DDX25: variants seen among roughly 807,000 people sequenced by gnomAD.
The protein encoded by DDX25 is ATP-dependent RNA helicase DDX25.
A neutral mutation model predicts 64.6 loss-of-function variants in DDX25; 70 were observed. The observed-to-expected ratio is 1.08, with a 90% confidence interval of 0.89 to 1.32. The LOEUF (loss-of-function observed/expected upper bound fraction) is 1.32, where lower values mean the gene tolerates loss of function less well. Among genes scored for constraint, DDX25 ranks in the 40% most tolerant of loss-of-function variants. The pLI is 0.00. For missense variants in DDX25, 587 were observed against 604.4 expected (o/e 0.97, Z 0.30); for synonymous variants, 211 against 213.3 (o/e 0.99, Z 0.09).
At chr11:125,910,791 T>C (rs12289325) in intron 7 of DDX25, among the ~76,000 whole-genome samples, 5,712 of 152,292 alleles carry the variant, frequency 0.038, 143 homozygotes, top group African/African-American at 0.049. Flanking sequence ...TAAAATATTA[T>C]AAGCTTATAA....
chr11:125,908,091 C>T, intron 4 of DDX25, 105 bp from the exon 5 acceptor site: 1 of 890,288 alleles, frequency 1.1e-6, no homozygotes, highest in Non-Finnish European at 1.7e-6. Flanking sequence ...AGTTTTAAAG[C>T]TCAGCTGCAA....
chr11:125,913,462 C>T (rs960439810), intron 8 of DDX25, among the ~76,000 whole-genome samples: 9 of 152,136 alleles, frequency 5.9e-5, no homozygotes, highest in African/African-American at 1.9e-4. Context: ...TAATAGTTTG[C>T]CCGGATAGGA....
At chr11:125,905,484 A>G in intron 2 of DDX25, 69 bp from the exon 3 acceptor site, 1 of 1,497,620 alleles carries the variant, frequency 6.7e-7, no homozygotes, top group African/African-American at 1.4e-5. Flanking sequence ...GAAAAAATTG[A>G]ATAGCATGCT....
intron 4 of DDX25, 90 bp downstream of exon 4, chr11:125,906,299 T>G: frequency 7.2e-7 from 1 of 1,386,556 alleles, no homozygotes; most frequent in Admixed American, 3.4e-5. Flanking sequence ...CAGGATCTCC[T>G]CTTTGTTTTC....
intron 11 of DDX25, chr11:125,922,095 AAC>A (rs1213258063): frequency 6.6e-6 from 1 of 152,110 alleles, no homozygotes; most frequent in African/African-American, 2.4e-5. Context: ...CACCCTCCCA[AAC>A]AGGAAAGTCC....
upstream of DDX25, chr11:125,904,426 C>A: frequency 8.0e-7 from 1 of 1,247,684 alleles, no homozygotes; most frequent in Non-Finnish European, 1.0e-6. Flanking sequence ...CGCCTGCCCC[C>A]TAAGGAAGCC....
intron 4 of DDX25, among the ~76,000 whole-genome samples, chr11:125,907,418 C>A (rs1030558180): frequency 2.0e-5 from 3 of 152,096 alleles, no homozygotes; most frequent in East Asian, 3.9e-4. Context: ...ACCATCCTGG[C>A]TAACACAGTG....
chr11:125,917,115 A>G lies in DDX25; in HGVS notation c.902A>G (p.Lys301Arg). The G allele has an allele frequency of 1.2e-6, 2 of 1,610,444 alleles. No homozygotes were observed. The highest frequency in any genetic ancestry group is 1.7e-6 in the Non-Finnish European group (2 of 1,178,616). Residue 301 changes from lysine (K) to arginine (R), a missense_variant, in exon 9 of 12, where the codon AAG becomes AGG. By Grantham distance (26) the Lys-to-Arg change is conservative (BLOSUM62 2). Coordinates refer to ENST00000263576, the MANE Select transcript of DDX25 (RefSeq NM_013264.5). Reference protein sequence around the residue: ...ERIIPDPNVIKLRKEELTLNN... With the variant: ...ERIIPDPNVIRLRKEELTLNN... ...ATCATCCCTGACCCTAATGTTATCA[A>G]GTTACGCAAAGAGGAGCTCACACTG...
rs766802922 is a variant in DDX25, at chr11:125,910,371, G to C, written c.515G>C (p.Cys172Ser). The C allele has an allele frequency of 6.2e-7, 1 of 1,613,862 alleles. No individual in the cohort carries two copies. Among genetic ancestry groups the C allele is most frequent in the South Asian group, 1.1e-5 (1 of 91,062 alleles). ...TCTCTCTCTATCCCACAGTGCCTCTGCCTAGCTCCTACTTATGAATTGGCT... is the reference window on the plus strand; with the variant it reads ...TCTCTCTCTATCCCACAGTGCCTCTCCCTAGCTCCTACTTATGAATTGGCT... ...NALELFPQCL[C>S]LAPTYELALQ... is the part of the protein sequence containing the mutation. The change falls in exon 7 of 12, where the codon TGC (cysteine) becomes TCC (serine). Residue 172 changes from cysteine to serine, a missense_variant. By Grantham distance (112) the Cys-to-Ser change is moderately radical. Coordinates refer to ENST00000263576, the MANE Select transcript of DDX25 (RefSeq NM_013264.5).
At chr11:125,904,410 C>A, upstream of DDX25, 1 of 1,118,572 alleles carries the variant, frequency 8.9e-7, no homozygotes, top group South Asian at 3.0e-5. Flanking sequence ...CGGGCGCGGA[C>A]GCGGACGCCT....
intron 8 of DDX25, among the ~76,000 whole-genome samples, chr11:125,914,521 A>T (rs915435918): frequency 1.3e-5 from 2 of 152,202 alleles, no homozygotes; most frequent in African/African-American, 2.4e-5. Flanking sequence ...CAGAATAAAC[A>T]TCTAATCTTC....
chr11:125,905,583 A>G lies in DDX25; in HGVS notation c.161A>G (p.Asp54Gly). The G allele has an allele frequency of 6.4e-7, 1 of 1,551,712 alleles. No homozygotes were observed. Among genetic ancestry groups the G allele is most frequent in the South Asian group, 1.2e-5 (1 of 84,048 alleles). The change falls in exon 3 of 12, where the codon GAT becomes GGT. Residue 54 changes from aspartate to glycine, a missense_variant. By Grantham distance (94) the Asp-to-Gly change is moderately conservative. Transcript: ENST00000263576. ...TCTATTAATAACATCAATGAAGATG[A>G]TGAAGAAGATGTAGGTAGGAGATGA... ...DGSINNINED[D>G]EEDVVDLAAN...
intron 10 of DDX25, chr11:125,920,877 T>G (rs947972136): frequency 8.3e-6 from 2 of 240,812 alleles, no homozygotes; most frequent in South Asian, 8.8e-5. Context: ...AGAGGGTGGC[T>G]CTGTGGGCTT....
At chr11:125,920,657 G>T (rs1945097873) in intron 10 of DDX25, among the ~76,000 whole-genome samples, 1 of 152,162 alleles carries the variant, frequency 6.6e-6, no homozygotes. Flanking sequence ...GGACATTGCT[G>T]TGGTGACCAT....
Position 125,917,232 on chromosome 11 carries a change from A to G in DDX25, c.1019A>G (p.Gln340Arg). The G allele has an allele frequency of 6.2e-7, 1 of 1,606,448 alleles. No homozygotes were observed. The highest frequency in any genetic ancestry group is 1.1e-5 in the South Asian group (1 of 89,002). Residue 340 changes from glutamine to arginine, a missense_variant, in exon 9 of 12, where the codon CAG (glutamine) becomes CGG (arginine). Coordinates refer to ENST00000263576, the MANE Select transcript of DDX25 (RefSeq NM_013264.5). ...ATTTATGGCAGCATCACCATTGGTC[A>G]GGCCATCATCTTCTGCCAGGTACAC... ...CNIYGSITIG[Q>R]AIIFCQTRRN... is the part of the protein sequence containing the mutation.
intron 9 of DDX25, among the ~76,000 whole-genome samples, chr11:125,917,606 T>A (rs1240536852): frequency 1.3e-5 from 2 of 152,206 alleles, no homozygotes; most frequent in African/African-American, 4.8e-5. Flanking sequence ...ATGTTTGTTT[T>A]TTGCTTTCTG....
At chr11:125,909,475 A>G (rs1046417158) in intron 6 of DDX25, among the ~76,000 whole-genome samples, 1 of 152,130 alleles carries the variant, frequency 6.6e-6, no homozygotes, top group Non-Finnish European at 1.5e-5. Context: ...TTTTTCCATC[A>G]GCATCTTTAT....
chr11:125,908,319 G>C, intron 5 of DDX25, 31 bp downstream of exon 5: 3 of 1,612,874 alleles, frequency 1.9e-6, no homozygotes, highest in Non-Finnish European at 2.5e-6. Flanking sequence ...TATTCTACTT[G>C]GTTATGTTTA....
intron 9 of DDX25, among the ~76,000 whole-genome samples, chr11:125,917,694 C>G (rs1156701490): frequency 6.6e-6 from 1 of 152,154 alleles, no homozygotes; most frequent in African/African-American, 2.4e-5. Context: ...GGTCTCCTCT[C>G]TCTCATTCAC....
Sources: gnomAD v4.1 joint callset for allele counts (sites outside exome capture counted in the v4.1 genomes callset) on GRCh38, gnomAD v4.1.1 for gene constraint, MANE v1.5 for transcripts, NCBI Gene and HGNC (gene_info 2026-07-23, HGNC 2026-07-21) for gene names.